Variants in KL observed in about 807,000 individuals in gnomAD.
KL encodes klotho.
In KL, 62 loss-of-function variants were observed where a neutral mutation model predicts 84.2. That is an observed-to-expected ratio of 0.74 (90% confidence interval 0.60 to 0.91). The LOEUF (loss-of-function observed/expected upper bound fraction) is 0.91. Ranked by LOEUF, KL falls within the 40% of genes least tolerant of loss-of-function variation. KL has a pLI of 0.00. For synonymous variants in KL, 528 were observed against 528.0 expected (o/e 1.00, Z 0.00); for missense variants, 1,261 against 1,305.7 (o/e 0.97, Z 0.53).
chr13:33,044,146 GT>G (rs1316471508), intron 1 of KL, among the ~76,000 whole-genome samples: 2 of 152,082 alleles, frequency 1.3e-5, no homozygotes, highest in African/African-American at 4.8e-5. Flanking sequence ...TTGGCTGTGG[GT>G]TTATTTTGGA....
rs375127767 is a variant in KL at position 33,024,819 on chromosome 13, G to A, written c.819+7560G>A. On this transcript the variant is annotated intron_variant, in intron 1 of 4. Transcript: ENST00000380099. ...CTTTATGCCAGCCCTGCACAGGTGC[G>A]GGGACAGTGGTAGGGGCGTCTCACT... is the stretch of plus-strand genomic sequence containing the variant. Among the ~76,000 whole-genome samples, 90 of 152,276 alleles carry A rather than the reference G, an allele frequency of 5.9e-4. No individual in the cohort carries two copies. In the South Asian group the frequency reaches 0.013, roughly 21 times the overall value.
Position 33,063,949 on chromosome 13 carries a change from G to C in KL, c.2802G>C (p.Gln934His). 6.2e-7 allele frequency: 1 copy of C among 1,614,182 alleles called. No homozygotes were observed. Among genetic ancestry groups the C allele is most frequent in the Non-Finnish European group, 8.5e-7 (1 of 1,180,036 alleles). ...RFGLYRYAADQFEPKASMKHY... is the reference protein window; with the variant it reads ...RFGLYRYAADHFEPKASMKHY... The stretch of plus-strand genomic sequence containing the variant: ...GCCTCTATCGTTATGCTGCAGATCA[G>C]TTTGAGCCCAAGGCATCCATGAAAC... The change falls in exon 5 of 5, where the codon CAG becomes CAC. Residue 934 changes from glutamine (Q) to histidine (H), a missense_variant. Coordinates refer to ENST00000380099, the MANE Select transcript of KL (RefSeq NM_004795.4).
At chr13:33,049,500 C>T (rs1871665606) in intron 1 of KL, among the ~76,000 whole-genome samples, 1 of 152,180 alleles carries the variant, frequency 6.6e-6, no homozygotes, top group Admixed American at 6.5e-5. Flanking sequence ...GACATTTAGT[C>T]CATGCTAGGG....
At chr13:33,063,752 G>A in intron 4 of KL, 97 bp from the exon 5 acceptor site, 1 of 1,096,130 alleles carries the variant, frequency 9.1e-7, no homozygotes, top group Non-Finnish European at 1.4e-6. Context: ...ACTCCAGCCT[G>A]TGTGACAGAG....
intron 1 of KL, among the ~76,000 whole-genome samples, chr13:33,049,555 A>G (rs1277973753): frequency 6.6e-6 from 1 of 152,216 alleles, no homozygotes; most frequent in African/African-American, 2.4e-5. Context: ...GGCGACATCT[A>G]AGCTGAGTTT....
intron 1 of KL, among the ~76,000 whole-genome samples, chr13:33,048,245 C>T (rs1871611319): frequency 6.6e-6 from 1 of 152,180 alleles, no homozygotes; most frequent in African/African-American, 2.4e-5. Context: ...AATATTGTCT[C>T]TTTTTAAAGG....
In KL at chr13:33,017,055, C is replaced by T. The variant is rs374072470; in HGVS notation, c.615C>T (p.Gly205=). The T allele has an allele frequency of 4.4e-6, 7 of 1,600,604 alleles. No homozygotes were observed. The highest frequency in any genetic ancestry group is 5.9e-6 in the Non-Finnish European group (7 of 1,177,614). The change falls in exon 1 of 5, where the codon GGC becomes GGT. Residue 205 remains glycine, a synonymous_variant. Transcript: ENST00000380099. The part of the protein sequence containing the change: ...DLPQRLQDAY[G]GWANRALADH... ...CCCAGCGCCTGCAGGACGCCTACGGCGGCTGGGCCAACCGCGCCCTGGCCG... is the reference window on the plus strand; with the variant it reads ...CCCAGCGCCTGCAGGACGCCTACGGTGGCTGGGCCAACCGCGCCCTGGCCG...
chr13:33,059,420 T>C (rs1872088365), intron 3 of KL, among the ~76,000 whole-genome samples: 1 of 152,170 alleles, frequency 6.6e-6, no homozygotes, highest in Admixed American at 6.5e-5. Flanking sequence ...TATGGGTGGA[T>C]GACAATATTG....
At position 33,053,969 on chromosome 13, in the gene KL, T is replaced by C; in HGVS notation, c.1022T>C (p.Met341Thr). 2 of 1,614,074 alleles carry C rather than the reference T, an allele frequency of 1.2e-6. No homozygotes were observed. The highest frequency in any genetic ancestry group is 1.7e-6 in the Non-Finnish European group (2 of 1,179,914). Reference protein sequence around the residue: ...VFIDGDYPESMKNNLSSILPD... With the variant: ...VFIDGDYPESTKNNLSSILPD... ...ATTGATGGTGACTATCCCGAGAGCA[T>C]GAAGAATAACCTTTCATCTATTCTG... Residue 341 changes from methionine to threonine, a missense_variant, in exon 2 of 5, where the codon ATG (methionine) becomes ACG (threonine). Coordinates refer to ENST00000380099, the MANE Select transcript of KL (RefSeq NM_004795.4).
chr13:33,051,643 C>T (rs1489571034), intron 1 of KL, among the ~76,000 whole-genome samples: 1 of 152,188 alleles, frequency 6.6e-6, no homozygotes, highest in Admixed American at 6.5e-5. Flanking sequence ...GCTAAACCTC[C>T]TCCTCTGAGC....
chr13:33,058,735 T>C lies in KL; in HGVS notation c.1600-1944T>C, dbSNP rs958961812. On this transcript the variant is annotated intron_variant, in intron 3 of 4. Transcript: ENST00000380099. ...GATGGACTGAATAAAAGCTGTTGTT[T>C]TGGAACAATCACGGTTAAAAAAAAA... Among the ~76,000 whole-genome samples the C allele has an allele frequency of 1.8e-4, 27 of 152,266 alleles. 1 individual carries two copies. The South Asian group carries it at 4.4e-3, about 25-fold the overall frequency.
Position 33,061,137 on chromosome 13 carries a change from G to A in KL, c.2058G>A (p.Thr686=), listed in dbSNP as rs769798531. 5.6e-6 allele frequency: 9 copies of A among 1,614,100 alleles called. No individual in the cohort carries two copies. Among genetic ancestry groups the A allele is most frequent in the Middle Eastern group, 1.6e-4 (1 of 6,084 alleles). Residue 686 remains threonine, a synonymous_variant, in exon 4 of 5, where the codon ACG becomes ACA. Transcript: ENST00000380099. The part of the protein sequence containing the change: ...ELGHHVKLWI[T]MNEPYTRNMT... ...GCCATCACGTCAAGCTTTGGATAAC[G>A]ATGAATGAGCCGTATACAAGGAATA...
intron 3 of KL, among the ~76,000 whole-genome samples, chr13:33,057,203 C>A (rs1871994865): frequency 6.6e-6 from 1 of 152,084 alleles, no homozygotes; most frequent in Admixed American, 6.5e-5. Context: ...CTGAGTCTGG[C>A]AGGTTCAGTC....
At chr13:33,042,710 C>T (rs1458269918) in intron 1 of KL, among the ~76,000 whole-genome samples, 6 of 152,072 alleles carry the variant, frequency 3.9e-5, no homozygotes, top group African/African-American at 7.2e-5. Context: ...GATGGGGTTT[C>T]GCTCTTGTTC....
chr13:33,017,841 G>GA (rs1593785754), intron 1 of KL, among the ~76,000 whole-genome samples: 1 of 152,200 alleles, frequency 6.6e-6, no homozygotes, highest in African/African-American at 2.4e-5. Flanking sequence ...ATTCACCGGG[G>GA]TGTGAAGACC....
chr13:33,051,298 C>A (rs575037080), intron 1 of KL, among the ~76,000 whole-genome samples: 1 of 152,216 alleles, frequency 6.6e-6, no homozygotes, highest in South Asian at 2.1e-4. Context: ...CTTTGGGAGG[C>A]TGAGGTGGGA....
Position 33,061,467 on chromosome 13 carries a change from A to T in KL, c.2388A>T (p.Leu796=), listed in dbSNP as rs1296107982. ...ATTTCACTGAAGATGAAAAAAAGCT[A>T]ATCCAGGGTACCTTTGACTTTTTGG... ...LPYFTEDEKK[L]IQGTFDFLAL... The change falls in exon 4 of 5, where the codon CTA becomes CTT. Residue 796 remains leucine (L), a synonymous_variant. Coordinates refer to ENST00000380099, the MANE Select transcript of KL (RefSeq NM_004795.4). 2 of 1,614,084 alleles carry T rather than the reference A, an allele frequency of 1.2e-6. No homozygotes were observed. The highest frequency in any genetic ancestry group is 1.7e-5 in the Admixed American group (1 of 60,004).
chr13:33,059,554 C>A (rs1872092506), intron 3 of KL, among the ~76,000 whole-genome samples: 1 of 152,178 alleles, frequency 6.6e-6, no homozygotes, highest in East Asian at 1.9e-4. Flanking sequence ...CTCACTGCAA[C>A]CTCTGCCTCC....
At chr13:33,020,441 C>A (rs1482476688) in intron 1 of KL, among the ~76,000 whole-genome samples, 1 of 152,108 alleles carries the variant, frequency 6.6e-6, no homozygotes, top group Non-Finnish European at 1.5e-5. Context: ...CTGCTGCATC[C>A]CGATGACTGG....
Sources: gnomAD v4.1 joint callset for allele counts (sites outside exome capture counted in the v4.1 genomes callset) on GRCh38, gnomAD v4.1.1 for gene constraint, MANE v1.5 for transcripts, NCBI Gene and HGNC (gene_info 2026-07-23, HGNC 2026-07-21) for gene names.